The following RNF150 variants were observed in gnomAD, a reference collection of about 807,000 sequenced individuals.
RNF150 encodes ring finger protein 150.
A neutral mutation model predicts 39.3 loss-of-function variants in RNF150; 24 were observed. The ratio of observed to expected loss-of-function variants is 0.61; its 90% confidence interval spans 0.44 to 0.86. The LOEUF is 0.86. Among genes scored for constraint, RNF150 ranks in the 40% least tolerant of loss-of-function variants. The pLI, the probability that RNF150 is intolerant of heterozygous loss-of-function variation, is 0.00. For synonymous variants in RNF150, 255 were observed against 227.3 expected (o/e 1.12, Z -1.10); for missense variants, 502 against 587.8 (o/e 0.85, Z 1.51).
At chr4:141,120,307 G>T (rs1344193449) in intron 1 of RNF150, among the ~76,000 whole-genome samples, 1 of 152,180 alleles carries the variant, frequency 6.6e-6, no homozygotes. Flanking sequence ...GGTAAAGGGC[G>T]ATGATGACAG....
intron 1 of RNF150, among the ~76,000 whole-genome samples, chr4:140,990,164 C>A (rs1161519176): frequency 1.3e-5 from 2 of 152,168 alleles, no homozygotes; most frequent in African/African-American, 4.8e-5. Flanking sequence ...GAGTGAAAGG[C>A]CTCTTCTGAC....
At chr4:141,106,265 T>C (rs1739192550) in intron 1 of RNF150, among the ~76,000 whole-genome samples, 1 of 152,206 alleles carries the variant, frequency 6.6e-6, no homozygotes. Flanking sequence ...CCCTAATTGA[T>C]TATAACCTTA....
chr4:140,930,344 ATATC>A (rs1296094483), intron 4 of RNF150, among the ~76,000 whole-genome samples: 2 of 152,150 alleles, frequency 1.3e-5, no homozygotes, highest in Non-Finnish European at 1.5e-5. Context: ...ACCTGTATCT[ATATC>A]TCCATTTCTA....
intron 1 of RNF150, among the ~76,000 whole-genome samples, chr4:141,151,025 A>T (rs1473357734): frequency 3.9e-5 from 6 of 152,092 alleles, no homozygotes; most frequent in Non-Finnish European, 1.5e-5. Context: ...TCAGACTCCC[A>T]GGCTCAAGTG....
At chr4:140,969,201 A>C (rs1261313162) in intron 1 of RNF150, among the ~76,000 whole-genome samples, 1 of 152,166 alleles carries the variant, frequency 6.6e-6, no homozygotes, top group African/African-American at 2.4e-5. Context: ...TTTCAACCTT[A>C]AATTCCTTGA....
chr4:141,123,146 A>G (rs936719286), intron 1 of RNF150, among the ~76,000 whole-genome samples: 2 of 152,260 alleles, frequency 1.3e-5, no homozygotes, highest in African/African-American at 4.8e-5. Flanking sequence ...TATTTTTATG[A>G]AATTAGAGAT....
chr4:140,965,374 C>A (rs1004498503), intron 2 of RNF150, among the ~76,000 whole-genome samples: 2 of 152,104 alleles, frequency 1.3e-5, no homozygotes, highest in African/African-American at 4.8e-5. Flanking sequence ...TGAAGATTTA[C>A]CAATCCCTCT....
chr4:140,887,277 T>C (rs767767496), intron 6 of RNF150, among the ~76,000 whole-genome samples: 3 of 152,264 alleles, frequency 2.0e-5, no homozygotes, highest in African/African-American at 4.8e-5. Context: ...AAAGTACTGA[T>C]AATAATACAT....
At chr4:140,974,268 T>C (rs1228243516) in intron 1 of RNF150, among the ~76,000 whole-genome samples, 1 of 152,224 alleles carries the variant, frequency 6.6e-6, no homozygotes, top group Non-Finnish European at 1.5e-5. Flanking sequence ...TCATATGGTA[T>C]GTGATCCTCT....
At chr4:141,171,495 A>T (rs1727723193) in intron 1 of RNF150, among the ~76,000 whole-genome samples, 2 of 140,124 alleles carry the variant, frequency 1.4e-5, no homozygotes, top group Non-Finnish European at 3.1e-5. Flanking sequence ...AGAGAGAGAA[A>T]GTGGGGATTC....
In RNF150 at chr4:141,132,537, A is replaced by ACCACCT; in HGVS notation, c.266_271dup (p.Glu89_Val90dup). On this transcript the variant is annotated inframe_insertion, in exon 1 of 7. Coordinates refer to ENST00000515673, the MANE Select transcript of RNF150 (RefSeq NM_020724.2). This position sits in a 1 kb window ranked among gnomAD's most constrained non-coding sequence, Gnocchi z 4.9. ...GCGGTCGTGGGCCGAGCTGGCCATGACCACCTCCCCGCGGGCGTCCTGCTT... is the reference window on the plus strand; with the variant it reads ...GCGGTCGTGGGCCGAGCTGGCCATGACCACCTCCACCTCCCCGCGGGCGTCCTGCTT... The ACCACCT allele has an allele frequency of 6.3e-7, 1 of 1,597,782 alleles. No homozygotes were observed. The highest frequency in any genetic ancestry group is 8.5e-7 in the Non-Finnish European group (1 of 1,173,258).
At chr4:141,151,345 A>C (rs1430420180) in intron 1 of RNF150, among the ~76,000 whole-genome samples, 2 of 151,764 alleles carry the variant, frequency 1.3e-5, no homozygotes, top group Non-Finnish European at 2.9e-5. Flanking sequence ...CTGTAATCCC[A>C]GGGACTCAAG....
At chr4:141,098,259 A>G (rs952048890) in intron 1 of RNF150, among the ~76,000 whole-genome samples, 13 of 152,174 alleles carry the variant, frequency 8.5e-5, no homozygotes, top group Admixed American at 6.5e-4. Flanking sequence ...AGTCTATCTC[A>G]TAAGAAATAT....
intron 1 of RNF150, among the ~76,000 whole-genome samples, chr4:141,186,782 T>A (rs1223292933): frequency 6.6e-6 from 1 of 152,188 alleles, no homozygotes; most frequent in Non-Finnish European, 1.5e-5. Context: ...ACCTATTTTG[T>A]TAATCTTTTC....
At chr4:140,872,659 G>C (rs1487564) in intron 6 of RNF150, among the ~76,000 whole-genome samples, 21,450 of 152,188 alleles carry the variant, frequency 0.14, 1,801 homozygotes, top group East Asian at 0.38. Context: ...AGGAAATGAT[G>C]GACTAGCCAA....
intron 1 of RNF150, among the ~76,000 whole-genome samples, chr4:141,187,741 G>C (rs1728038171): frequency 6.6e-6 from 1 of 152,114 alleles, no homozygotes. Flanking sequence ...GCCTATGTGT[G>C]TCTTTGCATG....
intron 1 of RNF150, among the ~76,000 whole-genome samples, chr4:141,202,507 G>A (rs1403124340): frequency 6.6e-6 from 1 of 151,738 alleles, no homozygotes; most frequent in African/African-American, 2.4e-5. Context: ...TTTAAAGTAA[G>A]ACCTTTAAAA....
intron 5 of RNF150, among the ~76,000 whole-genome samples, chr4:140,913,740 A>G (rs1336374794): frequency 6.6e-6 from 1 of 152,228 alleles, no homozygotes; most frequent in African/African-American, 2.4e-5. Flanking sequence ...TTGGATTCCA[A>G]GCCCCTAATA....
intron 6 of RNF150, among the ~76,000 whole-genome samples, chr4:140,904,951 T>A (rs1012591643): frequency 6.6e-6 from 1 of 152,202 alleles, no homozygotes; most frequent in Non-Finnish European, 1.5e-5. Flanking sequence ...GAGCAATGAA[T>A]CCCATAGAAA....
Sources: allele counts gnomAD v4.1 joint callset (sites outside exome capture counted in the v4.1 genomes callset), GRCh38; gene constraint gnomAD v4.1.1; non-coding constraint Gnocchi (gnomAD v3.1); transcripts MANE v1.5; gene names NCBI Gene and HGNC (gene_info 2026-07-23, HGNC 2026-07-21).